Variants in SHB observed in about 807,000 individuals in gnomAD.
SHB encodes SH2 domain containing adaptor protein B.
Under a neutral mutation model 52.3 loss-of-function variants are expected in SHB, and 20 were observed. The ratio of observed to expected loss-of-function variants is 0.38; its 90% confidence interval spans 0.27 to 0.56. The LOEUF is 0.56. SHB is among the 20% of genes least tolerant of loss of function. The pLI, the probability that SHB is intolerant of heterozygous loss-of-function variation, is 0.71. For missense variants in SHB, 825 were observed against 723.3 expected (o/e 1.14, Z -1.61); for synonymous variants, 397 against 316.5 (o/e 1.25, Z -2.70).
At chr9:37,987,249 C>G (rs1331046503) in intron 2 of SHB, among the ~76,000 whole-genome samples, 1 of 152,210 alleles carries the variant, frequency 6.6e-6, no homozygotes, top group Non-Finnish European at 1.5e-5. Flanking sequence ...AATCACCATT[C>G]TAGGAACACT....
chr9:37,938,175 A>G (rs1013405010), intron 5 of SHB, among the ~76,000 whole-genome samples: 1 of 152,236 alleles, frequency 6.6e-6, no homozygotes, highest in African/African-American at 2.4e-5. Flanking sequence ...CAGAGTTTAC[A>G]AGAGCTTCCA....
chr9:38,011,515 G>T (rs999666322), intron 2 of SHB, among the ~76,000 whole-genome samples: 7 of 152,110 alleles, frequency 4.6e-5, no homozygotes, highest in African/African-American at 1.7e-4. Context: ...TGTCTTTGTG[G>T]GGCTGGTCCT....
At position 38,067,977 on chromosome 9, in the gene SHB, C is replaced by T. The variant is rs375199072; in HGVS notation, c.669G>A (p.Lys223=). The T allele has an allele frequency of 6.4e-7, 1 of 1,553,090 alleles. No individual in the cohort carries two copies. Among genetic ancestry groups the T allele is most frequent in the Admixed American group, 1.8e-5 (1 of 54,342 alleles). ...TCTCCTCCGCGGCTGAGGCGGCGCACTTGTTGAGCAGTTTCTTGCCTCCGC... is the reference window on the plus strand; with the variant it reads ...TCTCCTCCGCGGCTGAGGCGGCGCATTTGTTGAGCAGTTTCTTGCCTCCGC... ...TACGGKKLLN[K]CAASAAEESG... The change falls in exon 1 of 6, where the codon AAG becomes AAA. Residue 223 remains lysine (K), a synonymous_variant. Transcript: ENST00000377707.
At position 37,974,934 on chromosome 9, in the gene SHB, G is replaced by A. The variant is rs562697835; in HGVS notation, c.839-97C>T. On this transcript the variant is annotated intron_variant, in intron 2 of 5. Coordinates refer to ENST00000377707, the MANE Select transcript of SHB (RefSeq NM_003028.3). ...ACACCACAAACTCAGAGCTGCCAGC[G>A]GGGAGGTGAGAACGACAGAGAGACA... The A allele has an allele frequency of 1.9e-4, 197 of 1,039,608 alleles. 1 individual carries two copies. The African/African-American group carries it at 2.3e-3, about 12-fold the overall frequency. 64.4% of individuals were successfully genotyped at this position (1,039,608 alleles called of 1,614,324 possible). A position where few individuals can be genotyped will look rare whatever the true frequency, so the allele number is the denominator to read the frequency against.
intron 1 of SHB, among the ~76,000 whole-genome samples, chr9:38,060,473 A>T (rs1459505608): frequency 2.0e-5 from 3 of 152,124 alleles, no homozygotes; most frequent in African/African-American, 4.8e-5. Flanking sequence ...ACAGGCATGA[A>T]CCACCGACCT....
At chr9:37,931,397 A>G (rs1210257218) in intron 5 of SHB, among the ~76,000 whole-genome samples, 1 of 152,222 alleles carries the variant, frequency 6.6e-6, no homozygotes, top group Non-Finnish European at 1.5e-5. Context: ...ATAGTGAAAA[A>G]ACAAATAACC....
chr9:37,982,505 T>A (rs117514880), intron 2 of SHB, among the ~76,000 whole-genome samples: 1,836 of 151,276 alleles, frequency 0.012, 43 homozygotes, highest in East Asian at 0.11. Flanking sequence ...AAAAAATGGA[T>A]AAGTAGGCCG....
intron 1 of SHB, among the ~76,000 whole-genome samples, chr9:38,041,579 G>A (rs1037154417): frequency 3.9e-5 from 6 of 152,096 alleles, no homozygotes; most frequent in Admixed American, 2.0e-4. Context: ...CGGTGAGTTC[G>A]GGGAAGAAAA....
intron 1 of SHB, among the ~76,000 whole-genome samples, chr9:38,022,909 A>G (rs1821298840): frequency 6.6e-6 from 1 of 152,198 alleles, no homozygotes; most frequent in African/African-American, 2.4e-5. Context: ...CAGAGGCTCT[A>G]AGATGGGCTT....
chr9:38,056,085 CATT>C (rs1414516615), intron 1 of SHB, among the ~76,000 whole-genome samples: 2 of 152,124 alleles, frequency 1.3e-5, no homozygotes, highest in African/African-American at 2.4e-5. Context: ...CCTTCATCAT[CATT>C]ATCATAATCA....
intron 2 of SHB, among the ~76,000 whole-genome samples, chr9:38,009,541 A>G (rs1821111889): frequency 6.6e-6 from 1 of 152,264 alleles, no homozygotes; most frequent in Admixed American, 6.5e-5. Context: ...GGCAGAGCCA[A>G]GGCTAGAACC....
At chr9:37,997,687 G>A (rs1024285227) in intron 2 of SHB, among the ~76,000 whole-genome samples, 3 of 148,164 alleles carry the variant, frequency 2.0e-5, no homozygotes, top group Admixed American at 6.8e-5. Flanking sequence ...TCATCTTTGT[G>A]GTTGGCCTTC....
chr9:37,945,164 C>T (rs773321241), intron 5 of SHB, among the ~76,000 whole-genome samples: 10 of 152,238 alleles, frequency 6.6e-5, no homozygotes, highest in African/African-American at 1.9e-4. Context: ...TGGCCAGAGG[C>T]GGATAACCAG....
chr9:38,002,697 G>A (rs1391700941), intron 2 of SHB, among the ~76,000 whole-genome samples: 1 of 152,150 alleles, frequency 6.6e-6, no homozygotes, highest in Non-Finnish European at 1.5e-5. Context: ...TCCAGAGAGG[G>A]GAAAGGTTCT....
intron 1 of SHB, among the ~76,000 whole-genome samples, chr9:38,038,406 G>C (rs1013082412): frequency 2.6e-5 from 4 of 152,020 alleles, no homozygotes; most frequent in African/African-American, 7.3e-5. Flanking sequence ...TAACACCCAG[G>C]GAGTCATCTT....
At position 37,915,965 on chromosome 9, in the gene SHB, T is replaced by C. The variant is rs534883917; in HGVS notation, c.*3856A>G. 6.6e-6 allele frequency among the ~76,000 whole-genome samples: 1 copy of C among 152,260 alleles called. No individual in the cohort carries two copies. The highest frequency in any genetic ancestry group is 1.5e-5 in the Non-Finnish European group (1 of 68,028). On this transcript the variant is annotated 3_prime_UTR_variant, in exon 6 of 6. Coordinates refer to ENST00000377707, the MANE Select transcript of SHB (RefSeq NM_003028.3). ...ATTCATCATTATACAGTGTGTCACA[T>C]AGATTTGGAATGTTACAAGAGACTT...
chr9:37,986,785 C>T (rs956453060), intron 2 of SHB, among the ~76,000 whole-genome samples: 6 of 152,320 alleles, frequency 3.9e-5, no homozygotes, highest in East Asian at 1.9e-4. Context: ...CGGGCATCCC[C>T]GGGGCCCCTG....
intron 1 of SHB, among the ~76,000 whole-genome samples, chr9:38,024,558 C>T (rs1289271521): frequency 6.6e-6 from 1 of 152,212 alleles, no homozygotes; most frequent in Non-Finnish European, 1.5e-5. Flanking sequence ...ACACACACAG[C>T]CCACTGTCTT....
chr9:37,950,537 T>C (rs1832554278), intron 4 of SHB, among the ~76,000 whole-genome samples: 1 of 152,186 alleles, frequency 6.6e-6, no homozygotes, highest in South Asian at 2.1e-4. Flanking sequence ...GTTTACATGA[T>C]GGTCTCTGCG....
Sources: gnomAD v4.1 joint callset for allele counts (sites outside exome capture counted in the v4.1 genomes callset) on GRCh38, gnomAD v4.1.1 for gene constraint, MANE v1.5 for transcripts, NCBI Gene and HGNC (gene_info 2026-07-23, HGNC 2026-07-21) for gene names.